FKBP4: variants seen among roughly 807,000 people sequenced by gnomAD.
The protein encoded by FKBP4 is FKBP prolyl isomerase 4.
A neutral mutation model predicts 54.1 loss-of-function variants in FKBP4; 28 were observed. The observed-to-expected ratio is 0.52, with a 90% confidence interval of 0.38 to 0.71. FKBP4 has a LOEUF of 0.71. Among genes scored for constraint, FKBP4 ranks in the 30% least tolerant of loss-of-function variants. The pLI, the probability that FKBP4 is intolerant of heterozygous loss-of-function variation, is 0.00. For missense variants in FKBP4, 493 were observed against 574.4 expected (o/e 0.86, Z 1.45); for synonymous variants, 223 against 216.1 (o/e 1.03, Z -0.28).
At chr12:2,796,498 A>C in intron 1 of FKBP4, 2 of 1,202,114 alleles carry the variant, frequency 1.7e-6, no homozygotes, top group South Asian at 1.5e-5. Flanking sequence ...GCGCTAAAGA[A>C]GCCTTTACGT....
Position 2,800,483 on chromosome 12 carries a change from A to C in FKBP4, c.938A>C (p.Lys313Thr). The change falls in exon 8 of 10, where the codon AAA (lysine) becomes ACA (threonine). Residue 313 changes from lysine (K) to threonine (T), a missense_variant. Lys to Thr is a moderately conservative substitution (Grantham distance 78). Transcript: ENST00000001008. ...ESSFSNEEAQKAQALRLASHL... is the reference protein window; with the variant it reads ...ESSFSNEEAQTAQALRLASHL... The stretch of plus-strand genomic sequence containing the variant: ...AGTTTTTCCAATGAGGAAGCACAGA[A>C]AGCACAGGCCCTTCGACTGGCCTCT... 1 of 1,614,204 alleles carries C rather than the reference A, an allele frequency of 6.2e-7. No homozygotes were observed. Among genetic ancestry groups the C allele is most frequent in the South Asian group, 1.1e-5 (1 of 91,088 alleles).
In FKBP4 at chr12:2,801,348, G is replaced by A; in HGVS notation, c.1264G>A (p.Glu422Lys). 4 of 1,614,142 alleles carry A rather than the reference G, an allele frequency of 2.5e-6. No homozygotes were observed. Among genetic ancestry groups the A allele is most frequent in the Non-Finnish European group, 3.4e-6 (4 of 1,180,010 alleles). The change falls in exon 9 of 10, where the codon GAG becomes AAG. Residue 422 changes from glutamate to lysine, a missense_variant. Glu to Lys is a moderately conservative substitution (Grantham distance 56). Coordinates refer to ENST00000001008, the MANE Select transcript of FKBP4 (RefSeq NM_002014.4). ...ANMFERLAEE[E>K]NKAKAEASSG... ...TATGTTTGAGAGGCTGGCTGAGGAG[G>A]AGAACAAGGTGAGGATTGGGGTGGG...
chr12:2,796,428 G>A lies in FKBP4; in HGVS notation c.106-710G>A, dbSNP rs2097901901. The A allele has an allele frequency of 5.5e-6, 7 of 1,275,618 alleles. No individual in the cohort carries two copies. In the South Asian group the frequency reaches 6.3e-5, roughly 11 times the overall value. The allele number at this position is 1,275,618 out of a possible 1,614,324, so 79.0% of individuals were successfully genotyped here. On this transcript the variant is annotated intron_variant, in intron 1 of 9. Coordinates refer to ENST00000001008, the MANE Select transcript of FKBP4 (RefSeq NM_002014.4). ...CCCTTTTACCTTTCTACTCCTCAAAGCCCCTGTCTATTCTTCGTGGAAGCT... is the reference window on the plus strand; with the variant it reads ...CCCTTTTACCTTTCTACTCCTCAAAACCCCTGTCTATTCTTCGTGGAAGCT...
Position 2,804,909 on chromosome 12 carries a change from T to A in FKBP4, c.*1651T>A, listed in dbSNP as rs1603481843. Reference sequence around the variant, plus strand: ...CAGCCTGGGCAAGAGAGTGAGACCATCTCTTTTTTAAAAAAGTCCCTGTGT... The same window carrying A: ...CAGCCTGGGCAAGAGAGTGAGACCAACTCTTTTTTAAAAAAGTCCCTGTGT... On this transcript the variant is annotated 3_prime_UTR_variant, in exon 10 of 10. Transcript: ENST00000001008. 4.5e-6 allele frequency: 1 copy of A among 223,228 alleles called. No individual in the cohort carries two copies. Among genetic ancestry groups the A allele is most frequent in the East Asian group, 1.5e-4 (1 of 6,740 alleles). 13.8% of individuals were successfully genotyped at this position (223,228 alleles called of 1,614,324 possible). A position where few individuals can be genotyped will look rare whatever the true frequency, so the allele number is the denominator to read the frequency against.
At chr12:2,801,041 T>A in intron 8 of FKBP4, 76 bp from the exon 9 acceptor site, 1 of 1,579,256 alleles carries the variant, frequency 6.3e-7, no homozygotes, top group Non-Finnish European at 8.6e-7. Flanking sequence ...GAGGGGTACC[T>A]TTGGAACCCA....
chr12:2,800,492 C>G lies in FKBP4; in HGVS notation c.947C>G (p.Ala316Gly), dbSNP rs765609799. ...AATGAGGAAGCACAGAAAGCACAGG[C>G]CCTTCGACTGGCCTCTCACCTCAAC... ...FSNEEAQKAQ[A>G]LRLASHLNLA... Residue 316 changes from alanine to glycine, a missense_variant, in exon 8 of 10, where the codon GCC becomes GGC. Coordinates refer to ENST00000001008, the MANE Select transcript of FKBP4 (RefSeq NM_002014.4). The G allele has an allele frequency of 1.9e-6, 3 of 1,614,178 alleles. No homozygotes were observed. The East Asian group carries it at 6.7e-5, about 36-fold the overall frequency.
rs1395592794 is a variant in FKBP4, at chr12:2,803,548, A to T, written c.*290A>T. The T allele has an allele frequency of 9.5e-6, 3 of 316,128 alleles. No individual in the cohort carries two copies. The highest frequency in any genetic ancestry group is 4.0e-5 in the Admixed American group (1 of 25,206). 19.6% of individuals were successfully genotyped at this position (316,128 alleles called of 1,614,324 possible). A position where few individuals can be genotyped will look rare whatever the true frequency, so the allele number is the denominator to read the frequency against. On this transcript the variant is annotated 3_prime_UTR_variant, in exon 10 of 10. Transcript: ENST00000001008. ...TTATTTTGCTCCCTCTGTTAGGTCC[A>T]TTTTCTAAGGGTAGAAGAGGCAAGT...
intron 9 of FKBP4, among the ~76,000 whole-genome samples, chr12:2,802,059 T>G (rs2097905115): frequency 6.6e-6 from 1 of 152,248 alleles, no homozygotes; most frequent in South Asian, 2.1e-4. Context: ...ACATTCTTTC[T>G]TAGGCTTACA....
chr12:2,803,240 G>A lies in FKBP4; in HGVS notation c.1362G>A (p.Gln454=), dbSNP rs1803817. 6.3e-6 allele frequency: 10 copies of A among 1,589,356 alleles called. No homozygotes were observed. The highest frequency in any genetic ancestry group is 1.1e-5 in the South Asian group (1 of 87,282). ...QKSNTAGSQS[Q]VETEA is the part of the protein sequence containing the mutation. ...GCAACACGGCAGGGAGCCAGTCTCAGGTGGAGACAGAAGCATAGCCCCTCT... is the reference window on the plus strand; with the variant it reads ...GCAACACGGCAGGGAGCCAGTCTCAAGTGGAGACAGAAGCATAGCCCCTCT... The change falls in exon 10 of 10, where the codon CAG becomes CAA. Residue 454 remains glutamine (Q), a synonymous_variant. Transcript: ENST00000001008.
In FKBP4 at chr12:2,805,233, C is replaced by T; in HGVS notation, c.*1975C>T. 1 of 453,716 alleles carries T rather than the reference C, an allele frequency of 2.2e-6. No individual in the cohort carries two copies. The highest frequency in any genetic ancestry group is 4.4e-6 in the Non-Finnish European group (1 of 226,140). 28.1% of individuals were successfully genotyped at this position (453,716 alleles called of 1,614,324 possible). ...GTCTCTGAACTAATCCAGACTCTCC[C>T]ATGAGGTTCCTTTGGCAAGTCCTGG... On this transcript the variant is annotated 3_prime_UTR_variant, in exon 10 of 10. Transcript: ENST00000001008.
chr12:2,796,586 A>C, intron 1 of FKBP4: 1 of 1,178,788 alleles, frequency 8.5e-7, no homozygotes, highest in Non-Finnish European at 1.1e-6. Context: ...GGTCCCATGG[A>C]GAGCCTCCGG....
chr12:2,802,287 G>A (rs972689559), intron 9 of FKBP4, among the ~76,000 whole-genome samples: 4 of 152,078 alleles, frequency 2.6e-5, no homozygotes, highest in African/African-American at 9.7e-5. Context: ...ACAGGCGCCC[G>A]CCACCACACC....
At chr12:2,801,074 G>GCCCT in intron 8 of FKBP4, 43 bp from the exon 9 acceptor site, 1 of 1,609,914 alleles carries the variant, frequency 6.2e-7, no homozygotes, top group East Asian at 2.2e-5. Flanking sequence ...TGAGCTACAA[G>GCCCT]CCCTGAGCTC....
rs1385566500 is a variant in FKBP4 at position 2,795,694 on chromosome 12, C to G, written c.105+450C>G. On this transcript the variant is annotated intron_variant, in intron 1 of 9. Coordinates refer to ENST00000001008, the MANE Select transcript of FKBP4 (RefSeq NM_002014.4). This position sits in a 1 kb window ranked among gnomAD's most constrained non-coding sequence, Gnocchi z 4.3. ...CAGCCGCGGGCCGCCTCGTTGGTGG[C>G]GGTGCCAGGGCTCGCCCACCCGGGC... 1 of 151,220 alleles carries G rather than the reference C, an allele frequency of 6.6e-6. No homozygotes were observed. Among genetic ancestry groups the G allele is most frequent in the Admixed American group, 6.6e-5 (1 of 15,168 alleles). The allele number at this position is 151,220 out of a possible 1,614,324, so 9.4% of individuals were successfully genotyped here.
At chr12:2,797,981 G>A in intron 3 of FKBP4, 110 bp downstream of exon 3, 1 of 1,374,162 alleles carries the variant, frequency 7.3e-7, no homozygotes, top group Non-Finnish European at 1.0e-6. Context: ...AGCCAAGGCT[G>A]AGGGTCTGGC....
rs1381107394 is a variant in FKBP4 at position 2,800,150 on chromosome 12, C to G, written c.846+28C>G. 1.9e-6 allele frequency: 3 copies of G among 1,606,500 alleles called. No homozygotes were observed. In the East Asian group the frequency reaches 6.7e-5, roughly 36 times the overall value. On this transcript the variant is annotated intron_variant, in intron 7 of 9. Coordinates refer to ENST00000001008, the MANE Select transcript of FKBP4 (RefSeq NM_002014.4). ...GAGCCAACAGTCATTGTCCTAAGGA[C>G]ACTCCCAGGAAGAGTTGCTCTGAGC...
At chr12:2,797,352 T>C in intron 2 of FKBP4, 70 bp downstream of exon 2, 1 of 1,568,720 alleles carries the variant, frequency 6.4e-7, no homozygotes. Flanking sequence ...AGAAACCATT[T>C]TCTCAGGACC....
At position 2,801,180 on chromosome 12, in the gene FKBP4, G is replaced by A. The variant is rs138530244; in HGVS notation, c.1096G>A (p.Val366Met). 5.1e-5 allele frequency: 83 copies of A among 1,613,510 alleles called. No individual in the cohort carries two copies. The highest frequency in any genetic ancestry group is 6.7e-5 in the African/African-American group (5 of 74,912). ...CCGCCGGGGAGAGGCCCACCTGGCC[G>A]TGAATGACTTTGAACTGGCACGGGC... is the stretch of plus-strand genomic sequence containing the variant. ...LFRRGEAHLA[V>M]NDFELARADF... The change falls in exon 9 of 10, where the codon GTG (valine) becomes ATG (methionine). Residue 366 changes from valine (V) to methionine (M), a missense_variant. Physicochemically the swap from Val to Met is conservative, Grantham distance 21. Transcript: ENST00000001008.
At chr12:2,799,409 C>T (rs950972562) in intron 5 of FKBP4, among the ~76,000 whole-genome samples, 165 bp downstream of exon 5, 6 of 152,216 alleles carry the variant, frequency 3.9e-5, no homozygotes, top group African/African-American at 1.2e-4. Context: ...CAATTGTCTA[C>T]ATCTCCTTGG....
Sources: allele counts gnomAD v4.1 joint callset (sites outside exome capture counted in the v4.1 genomes callset), GRCh38; gene constraint gnomAD v4.1.1; non-coding constraint Gnocchi (gnomAD v3.1); transcripts MANE v1.5; gene names NCBI Gene and HGNC (gene_info 2026-07-23, HGNC 2026-07-21).